Variants in CDK8 observed in about 807,000 individuals in gnomAD.
CDK8 encodes cyclin-dependent kinase 8.
A neutral mutation model predicts 71.5 loss-of-function variants in CDK8; 29 were observed. The observed-to-expected ratio is 0.41, with a 90% CI of 0.30 to 0.55. The LOEUF (loss-of-function observed/expected upper bound fraction) is 0.55. Among genes scored for constraint, CDK8 ranks in the 20% least tolerant of loss-of-function variants. CDK8 has a pLI of 0.37. For synonymous variants in CDK8, 161 were observed against 192.1 expected (o/e 0.84, Z 1.34); for missense variants, 288 against 572.6 (o/e 0.50, Z 5.07).
intron 4 of CDK8, chr13:26,359,395 A>T (rs1449434589): frequency 1.3e-5 from 2 of 155,270 alleles, no homozygotes; most frequent in Admixed American, 1.3e-4. Flanking sequence ...ATCGGGAGAA[A>T]ATATGTTTAA....
At position 26,382,875 on chromosome 13, in the gene CDK8, T is replaced by C; in HGVS notation, c.514+4T>C. On this transcript the variant is annotated splice_donor_region_variant and intron_variant, in intron 5 of 12. Transcript: ENST00000381527. ...GAGCGAGGAAGAGTAAAAATTGGTA[T>C]GTTATATCTTTGCTAAGTCACAGTG... The C allele has an allele frequency of 6.3e-7, 1 of 1,586,498 alleles. No homozygotes were observed. The highest frequency in any genetic ancestry group is 8.6e-7 in the Non-Finnish European group (1 of 1,165,652).
chr13:26,273,043 C>T (rs570328830), intron 1 of CDK8, among the ~76,000 whole-genome samples: 2 of 152,240 alleles, frequency 1.3e-5, no homozygotes, highest in Admixed American at 6.5e-5. Context: ...AGAAACATTG[C>T]TTAACCCAAG....
chr13:26,360,846 T>G (rs1265594776), intron 4 of CDK8, among the ~76,000 whole-genome samples: 3 of 152,194 alleles, frequency 2.0e-5, no homozygotes, highest in Non-Finnish European at 2.9e-5. Flanking sequence ...CTACTATGAT[T>G]TACTGCAGTG....
intron 1 of CDK8, among the ~76,000 whole-genome samples, chr13:26,299,989 G>C (rs1873752000): frequency 6.6e-6 from 1 of 152,108 alleles, no homozygotes. Context: ...GCCATGGGCT[G>C]AACTTGGTTA....
At chr13:26,374,810 A>T (rs1475586118) in intron 4 of CDK8, among the ~76,000 whole-genome samples, 1 of 152,156 alleles carries the variant, frequency 6.6e-6, no homozygotes, top group South Asian at 2.1e-4. Flanking sequence ...TGATTTTATT[A>T]TACTTGATGG....
At chr13:26,388,753 G>A (rs1875598375) in intron 6 of CDK8, among the ~76,000 whole-genome samples, 1 of 152,192 alleles carries the variant, frequency 6.6e-6, no homozygotes, top group Non-Finnish European at 1.5e-5. Context: ...AATGCAGGGA[G>A]TGTGCCACAA....
At chr13:26,375,131 A>G (rs1874884545) in intron 4 of CDK8, among the ~76,000 whole-genome samples, 1 of 152,174 alleles carries the variant, frequency 6.6e-6, no homozygotes, top group African/African-American at 2.4e-5. Context: ...TGCAAACAAT[A>G]TATTTAGTTT....
intron 2 of CDK8, among the ~76,000 whole-genome samples, chr13:26,339,769 A>T (rs1233030209): frequency 6.8e-6 from 1 of 146,778 alleles, no homozygotes; most frequent in African/African-American, 2.5e-5. Flanking sequence ...ATATATATAT[A>T]TATAGTGTAG....
Position 26,362,222 on chromosome 13 carries a change from A to AGATGGATG in CDK8, c.456+8382_456+8389dup, listed in dbSNP as rs66479948. Among the ~76,000 whole-genome samples the AGATGGATG allele has an allele frequency of 5.5e-3, 814 of 146,768 alleles. 6 individuals are homozygous for AGATGGATG. The highest frequency in any genetic ancestry group is 0.017 in the South Asian group (79 of 4,516). ...GATGTATGTGTGGATGATAGATGAT[A>AGATGGATG]GATGGATGGATGGATGGATGGATGG... On this transcript the variant is annotated intron_variant, in intron 4 of 12. Transcript: ENST00000381527.
chr13:26,273,905 T>G (rs1170955542), intron 1 of CDK8, among the ~76,000 whole-genome samples: 1 of 151,636 alleles, frequency 6.6e-6, no homozygotes, highest in African/African-American at 2.4e-5. Context: ...GTTTTAAAAT[T>G]AGATTATATT....
intron 1 of CDK8, among the ~76,000 whole-genome samples, chr13:26,336,699 G>T (rs530263475): frequency 6.6e-6 from 1 of 151,834 alleles, no homozygotes; most frequent in African/African-American, 2.4e-5. Flanking sequence ...GACTACAGGC[G>T]CCCGCCACCA....
At chr13:26,384,821 T>A (rs183720926) in intron 5 of CDK8, among the ~76,000 whole-genome samples, 2 of 152,332 alleles carry the variant, frequency 1.3e-5, no homozygotes, top group East Asian at 3.9e-4. Context: ...GGCTTGTTGA[T>A]GGAAATAATG....
At chr13:26,339,518 T>G (rs1195933907) in intron 2 of CDK8, among the ~76,000 whole-genome samples, 1 of 151,674 alleles carries the variant, frequency 6.6e-6, no homozygotes, top group Non-Finnish European at 1.5e-5. Context: ...GCCACCAGCT[T>G]TATTCTTTGT....
intron 1 of CDK8, among the ~76,000 whole-genome samples, chr13:26,330,467 A>C (rs921973083): frequency 6.6e-6 from 1 of 152,116 alleles, no homozygotes; most frequent in African/African-American, 2.4e-5. Flanking sequence ...TCCCTCCCCA[A>C]GTGCTGGGAT....
At chr13:26,291,366 A>G (rs547390129) in intron 1 of CDK8, among the ~76,000 whole-genome samples, 2 of 152,172 alleles carry the variant, frequency 1.3e-5, no homozygotes, top group African/African-American at 2.4e-5. Context: ...ATGCATGACT[A>G]TACATAGATG....
chr13:26,386,414 T>A (rs1376207356), intron 6 of CDK8, among the ~76,000 whole-genome samples: 1 of 152,184 alleles, frequency 6.6e-6, no homozygotes, highest in African/African-American at 2.4e-5. Flanking sequence ...ATGGTTTCCT[T>A]AACTTGTTCT....
At chr13:26,345,839 C>T (rs549749355) in intron 2 of CDK8, among the ~76,000 whole-genome samples, 13 of 152,226 alleles carry the variant, frequency 8.5e-5, no homozygotes, top group African/African-American at 2.6e-4. Flanking sequence ...ATCATTTATT[C>T]GTGTGTTTAC....
intron 1 of CDK8, among the ~76,000 whole-genome samples, chr13:26,323,334 A>AGAGAGG (rs57361188): frequency 0.016 from 2,052 of 124,904 alleles, 59 homozygotes; most frequent in Non-Finnish European, 0.023. Context: ...AGAGGGAGAG[A>AGAGAGG]GAGAGGGAGA....
At chr13:26,348,874 T>C (rs531833093) in intron 2 of CDK8, among the ~76,000 whole-genome samples, 198 bp from the exon 3 acceptor site, 9 of 152,328 alleles carry the variant, frequency 5.9e-5, no homozygotes, top group African/African-American at 1.9e-4. Context: ...ACTCAGATAA[T>C]ACCTGTTCAG....
Sources: allele counts gnomAD v4.1 joint callset (sites outside exome capture counted in the v4.1 genomes callset), GRCh38; gene constraint gnomAD v4.1.1; transcripts MANE v1.5; gene names NCBI Gene and HGNC (gene_info 2026-07-23, HGNC 2026-07-21).